EXOC4: variants seen among roughly 807,000 people sequenced by gnomAD.
EXOC4 encodes SEC8-like 1.
A neutral mutation model predicts 107.2 loss-of-function variants in EXOC4; 71 were observed. That is an observed-to-expected ratio of 0.66 (90% confidence interval 0.55 to 0.81). The LOEUF is 0.81. Ranked by LOEUF, EXOC4 falls within the 30% of genes least tolerant of loss-of-function variation. EXOC4 has a pLI of 0.00. For missense variants in EXOC4, 1,108 were observed against 1,189.6 expected (o/e 0.93, Z 1.01); for synonymous variants, 456 against 441.2 (o/e 1.03, Z -0.42).
chr7:133,271,866 C>T (rs1238743897), intron 1 of EXOC4, among the ~76,000 whole-genome samples: 10 of 151,982 alleles, frequency 6.6e-5, no homozygotes, highest in African/African-American at 2.4e-4. Flanking sequence ...AAAATCTCAG[C>T]CTTCACCATT....
At chr7:133,429,685 A>G (rs1427150732) in intron 7 of EXOC4, among the ~76,000 whole-genome samples, 2 of 152,216 alleles carry the variant, frequency 1.3e-5, no homozygotes, top group Non-Finnish European at 2.9e-5. Flanking sequence ...TGGACATTTC[A>G]TGTAAATAGA....
chr7:133,544,814 C>G (rs1379493089), intron 9 of EXOC4, among the ~76,000 whole-genome samples: 1 of 139,688 alleles, frequency 7.2e-6, no homozygotes, highest in Non-Finnish European at 1.5e-5. Context: ...TTGTCTTCCA[C>G]TTGTAGGTTT....
At chr7:134,054,586 T>C (rs1795877277) in intron 17 of EXOC4, among the ~76,000 whole-genome samples, 1 of 152,208 alleles carries the variant, frequency 6.6e-6, no homozygotes, top group Non-Finnish European at 1.5e-5. Context: ...TGAGATCAGT[T>C]CTAAAGCCAG....
chr7:133,611,009 G>T (rs1218255280), intron 9 of EXOC4, among the ~76,000 whole-genome samples: 1 of 141,806 alleles, frequency 7.1e-6, no homozygotes, highest in Non-Finnish European at 1.5e-5. Context: ...TTTTTGTAGA[G>T]ATGGAGTTTC....
chr7:133,498,831 C>G (rs896199054), intron 9 of EXOC4, among the ~76,000 whole-genome samples: 1 of 152,126 alleles, frequency 6.6e-6, no homozygotes, highest in African/African-American at 2.4e-5. Flanking sequence ...GCTTCTTGGC[C>G]TCTTTTGAAA....
chr7:133,964,322 T>C (rs1801013321), intron 14 of EXOC4, among the ~76,000 whole-genome samples: 1 of 151,660 alleles, frequency 6.6e-6, no homozygotes, highest in Admixed American at 6.6e-5. Context: ...TCTCTTGAGT[T>C]TTTTTTTTCT....
At chr7:133,558,511 A>T (rs1800746570) in intron 9 of EXOC4, among the ~76,000 whole-genome samples, 1 of 152,162 alleles carries the variant, frequency 6.6e-6, no homozygotes, top group Non-Finnish European at 1.5e-5. Context: ...GGGGTGTGTT[A>T]AACATTGACT....
intron 11 of EXOC4, among the ~76,000 whole-genome samples, chr7:133,881,222 G>A (rs1798958903): frequency 6.6e-6 from 1 of 151,942 alleles, no homozygotes. Flanking sequence ...CTTGGCTTCT[G>A]ACTGCCTCAC....
rs151069918 is a variant in EXOC4 at position 133,506,249 on chromosome 7, T to C, written c.1417+26111T>C. ...TGGTAATGTTTTAGTAATCTAAATG[T>C]ACTCGTGTATGTAATTAAAGTTTGG... On this transcript the variant is annotated intron_variant, in intron 9 of 17. Transcript: ENST00000253861. Among the ~76,000 whole-genome samples the C allele has an allele frequency of 2.8e-3, 422 of 152,262 alleles. 1 individual carries two copies. Among genetic ancestry groups the C allele is most frequent in the African/African-American group, 9.8e-3 (407 of 41,572 alleles).
At chr7:133,655,238 G>A (rs1221546613) in intron 10 of EXOC4, among the ~76,000 whole-genome samples, 1 of 151,834 alleles carries the variant, frequency 6.6e-6, no homozygotes, top group African/African-American at 2.4e-5. Context: ...TGTACACATT[G>A]GGGTACAGTG....
chr7:133,719,242 C>T lies in EXOC4; in HGVS notation c.1514+89101C>T, dbSNP rs550704287. Among the ~76,000 whole-genome samples, 265 of 152,284 alleles carry T rather than the reference C, an allele frequency of 1.7e-3. 1 individual carries two copies. Among genetic ancestry groups the T allele is most frequent in the Middle Eastern group, 6.8e-3 (2 of 294 alleles). Reference sequence around the variant, plus strand: ...GATGTGACTTGCTCCTCCTTGCCTTCCACCATGGTTGTGAGACCTCCCCAG... The same window carrying T: ...GATGTGACTTGCTCCTCCTTGCCTTTCACCATGGTTGTGAGACCTCCCCAG... On this transcript the variant is annotated intron_variant, in intron 10 of 17. Transcript: ENST00000253861.
intron 9 of EXOC4, among the ~76,000 whole-genome samples, chr7:133,543,604 T>A (rs1800423317): frequency 6.6e-6 from 1 of 152,172 alleles, no homozygotes; most frequent in Non-Finnish European, 1.5e-5. Context: ...CCAGTTCCTT[T>A]AAGCTTTATT....
chr7:133,543,794 AT>A (rs1800427518), intron 9 of EXOC4, among the ~76,000 whole-genome samples: 1 of 152,112 alleles, frequency 6.6e-6, no homozygotes, highest in African/African-American at 2.4e-5. Context: ...AACATTTATT[AT>A]TTGTTCAAAT....
At chr7:133,960,468 A>T (rs1800916834) in intron 14 of EXOC4, among the ~76,000 whole-genome samples, 1 of 152,172 alleles carries the variant, frequency 6.6e-6, no homozygotes, top group Non-Finnish European at 1.5e-5. Context: ...CTGTGAATCC[A>T]TCTGGTCTTG....
At chr7:133,822,370 G>T (rs1428601334) in intron 11 of EXOC4, among the ~76,000 whole-genome samples, 1 of 151,926 alleles carries the variant, frequency 6.6e-6, no homozygotes, top group Non-Finnish European at 1.5e-5. Flanking sequence ...TTCTTCTTTG[G>T]TGTCTCCATC....
intron 11 of EXOC4, among the ~76,000 whole-genome samples, chr7:133,889,356 T>C (rs542311951): frequency 2.2e-4 from 33 of 151,794 alleles, no homozygotes; most frequent in African/African-American, 7.7e-4. Flanking sequence ...GGTTGTTGTT[T>C]TGAGTTCATA....
intron 13 of EXOC4, among the ~76,000 whole-genome samples, chr7:133,924,166 A>T (rs867461829): frequency 9.2e-5 from 14 of 152,216 alleles, no homozygotes; most frequent in Admixed American, 2.6e-4. Context: ...TGCCTGGGTG[A>T]ACATGTCCCC....
intron 11 of EXOC4, among the ~76,000 whole-genome samples, chr7:133,818,396 G>T (rs1797426661): frequency 1.3e-5 from 2 of 152,168 alleles, no homozygotes; most frequent in Admixed American, 6.5e-5. Context: ...ATGGAAGGGA[G>T]TTTTACTTGT....
intron 10 of EXOC4, among the ~76,000 whole-genome samples, chr7:133,815,256 C>A (rs1289555536): frequency 6.6e-6 from 1 of 151,572 alleles, no homozygotes; most frequent in Non-Finnish European, 1.5e-5. Flanking sequence ...TGGTGCACAC[C>A]TGTAATCCCA....
Sources: gnomAD v4.1 joint callset for allele counts (sites outside exome capture counted in the v4.1 genomes callset) on GRCh38, gnomAD v4.1.1 for gene constraint, MANE v1.5 for transcripts, NCBI Gene and HGNC (gene_info 2026-07-23, HGNC 2026-07-21) for gene names.